TYR: variants seen among roughly 807,000 people sequenced by gnomAD.
TYR encodes tyrosinase, also known as LB24-AB.
TYR carries 58 observed loss-of-function variants against 51.5 expected under a neutral mutation model. That is an observed-to-expected ratio of 1.13 (90% confidence interval 0.91 to 1.40). The LOEUF (loss-of-function observed/expected upper bound fraction) is 1.40. TYR is among the 40% of genes most tolerant of loss of function. The pLI, the probability that TYR is intolerant of heterozygous loss-of-function variation, is 0.00. For missense variants in TYR, 732 were observed against 647.4 expected (o/e 1.13, Z -1.42); for synonymous variants, 263 against 235.2 (o/e 1.12, Z -1.08).
At chr11:89,180,153 A>C (rs1345469035) in intron 1 of TYR, among the ~76,000 whole-genome samples, 1 of 152,190 alleles carries the variant, frequency 6.6e-6, no homozygotes, top group African/African-American at 2.4e-5. Flanking sequence ...GGCTAGAAAA[A>C]ATGTGCTTGG....
rs997403592 is a variant in TYR at position 89,232,364 on chromosome 11, C to G, written c.1184+4394C>G. Among the ~76,000 whole-genome samples, 2 of 143,468 alleles carry G rather than the reference C, an allele frequency of 1.4e-5. 1 individual carries two copies. 94.1% of individuals were successfully genotyped at this position (143,468 alleles called of 152,430 possible). A position where few individuals can be genotyped will look rare whatever the true frequency, so the allele number is the denominator to read the frequency against. On this transcript the variant is annotated intron_variant, in intron 3 of 4. Transcript: ENST00000263321. ...TGTGGTACATTTACACCATGGAATACTATAAGAAAGAACAAAATGATGTCC... is the reference window on the plus strand; with the variant it reads ...TGTGGTACATTTACACCATGGAATAGTATAAGAAAGAACAAAATGATGTCC...
At chr11:89,206,760 A>C (rs1470488647) in intron 2 of TYR, among the ~76,000 whole-genome samples, 1 of 152,168 alleles carries the variant, frequency 6.6e-6, no homozygotes, top group African/African-American at 2.4e-5. Context: ...AAATTTAAAA[A>C]GATTGGAATT....
intron 2 of TYR, among the ~76,000 whole-genome samples, chr11:89,209,721 C>T (rs1943726061): frequency 6.6e-6 from 1 of 152,100 alleles, no homozygotes; most frequent in South Asian, 2.1e-4. Flanking sequence ...CCGACAGCTG[C>T]CTCATACAGG....
Position 89,277,607 on chromosome 11 carries a change from C to T in TYR, c.1185-7166C>T, listed in dbSNP as rs188286682. On this transcript the variant is annotated intron_variant, in intron 3 of 4. Coordinates refer to ENST00000263321, the MANE Select transcript of TYR (RefSeq NM_000372.5). ...ACTGAAATGTCTCAAAAACATCTTA[C>T]AGCACATCTCATCTAGAATCATGAC... Among the ~76,000 whole-genome samples, 6 of 151,804 alleles carry T rather than the reference C, an allele frequency of 4.0e-5. No homozygotes were observed. The East Asian group carries it at 7.8e-4, about 20-fold the overall frequency.
intron 1 of TYR, among the ~76,000 whole-genome samples, chr11:89,188,144 GAAGGT>G (rs1178258023): frequency 2.6e-5 from 4 of 151,278 alleles, no homozygotes; most frequent in East Asian, 2.0e-4. Flanking sequence ...TACTCCACTA[GAAGGT>G]AAGTTACATA....
rs745447269 is a variant in TYR at position 89,178,021 on chromosome 11, C to T, written c.68C>T (p.Ala23Val). ...FQTSAGHFPR[A>V]CVSSKNLMEK... ...ACCTCCGCTGGCCATTTCCCTAGAG[C>T]CTGTGTCTCCTCTAAGAACCTGATG... The change falls in exon 1 of 5, where the codon GCC becomes GTC. Residue 23 changes from alanine (A) to valine (V), a missense_variant. Physicochemically the swap from Ala to Val is moderately conservative, Grantham distance 64. Coordinates refer to ENST00000263321, the MANE Select transcript of TYR (RefSeq NM_000372.5). 2.5e-6 allele frequency: 4 copies of T among 1,614,182 alleles called. No homozygotes were observed. The highest frequency in any genetic ancestry group is 2.2e-5 in the South Asian group (2 of 91,090).
chr11:89,197,920 C>T (rs929337334), intron 2 of TYR, among the ~76,000 whole-genome samples: 55 of 152,222 alleles, frequency 3.6e-4, no homozygotes, highest in Admixed American at 1.1e-3. Context: ...AGAACCTTAA[C>T]TTTTTTTCTG....
chr11:89,295,239 T>A lies in TYR; in HGVS notation c.1463T>A (p.Leu488His). 6.2e-7 allele frequency: 1 copy of A among 1,614,006 alleles called. No individual in the cohort carries two copies. The highest frequency in any genetic ancestry group is 8.5e-7 in the Non-Finnish European group (1 of 1,179,874). ...LLGAAMVGAV[L>H]TALLAGLVSL... ...GGGGCGGCGATGGTAGGGGCCGTCC[T>A]CACTGCCCTGCTGGCAGGGCTTGTG... The change falls in exon 5 of 5, where the codon CTC becomes CAC. Residue 488 changes from leucine (L) to histidine (H), a missense_variant. Transcript: ENST00000263321.
Position 89,178,702 on chromosome 11 carries a change from A to T in TYR, c.749A>T (p.Glu250Val). The T allele has an allele frequency of 6.2e-7, 1 of 1,614,094 alleles. No individual in the cohort carries two copies. Among genetic ancestry groups the T allele is most frequent in the Non-Finnish European group, 8.5e-7 (1 of 1,179,988 alleles). The change falls in exon 1 of 5, where the codon GAG (glutamate) becomes GTG (valine). Residue 250 changes from glutamate to valine, a missense_variant. Physicochemically the swap from Glu to Val is moderately radical, Grantham distance 121. Coordinates refer to ENST00000263321, the MANE Select transcript of TYR (RefSeq NM_000372.5). ...GAAAAGTGTGACATTTGCACAGATGAGTACATGGGAGGTCAGCACCCCACA... is the reference window on the plus strand; with the variant it reads ...GAAAAGTGTGACATTTGCACAGATGTGTACATGGGAGGTCAGCACCCCACA... ...DAEKCDICTD[E>V]YMGGQHPTNP... is the part of the protein sequence containing the mutation.
chr11:89,255,628 CA>C (rs922362557), intron 3 of TYR, among the ~76,000 whole-genome samples: 33 of 151,720 alleles, frequency 2.2e-4, no homozygotes, highest in African/African-American at 7.0e-4. Context: ...CTTGAATGAA[CA>C]TTAGTAGTTT....
At chr11:89,179,877 C>T (rs754578932) in intron 1 of TYR, among the ~76,000 whole-genome samples, 1 of 152,138 alleles carries the variant, frequency 6.6e-6, no homozygotes, top group East Asian at 1.9e-4. Flanking sequence ...TGCTTTTCTG[C>T]CTGTCTTCCA....
At chr11:89,192,710 T>C (rs1565392624) in intron 2 of TYR, among the ~76,000 whole-genome samples, 1 of 152,170 alleles carries the variant, frequency 6.6e-6, no homozygotes, top group Non-Finnish European at 1.5e-5. Context: ...TATTCTTCTA[T>C]GGTAATATTC....
At chr11:89,183,088 AT>A (rs965384586) in intron 1 of TYR, among the ~76,000 whole-genome samples, 2 of 152,106 alleles carry the variant, frequency 1.3e-5, no homozygotes, top group Non-Finnish European at 1.5e-5. Flanking sequence ...TACGGTTTAC[AT>A]TTTTTCCCCC....
chr11:89,221,924 C>A (rs1461095946), intron 2 of TYR, among the ~76,000 whole-genome samples: 1 of 152,172 alleles, frequency 6.6e-6, no homozygotes, highest in Non-Finnish European at 1.5e-5. Flanking sequence ...GATTAAAGTG[C>A]AACATCTGTA....
chr11:89,178,683 T>C lies in TYR; in HGVS notation c.730T>C (p.Cys244Arg). ...PYWDWRDAEK[C>R]DICTDEYMGG... ...TTGGGACTGGCGGGATGCAGAAAAG[T>C]GTGACATTTGCACAGATGAGTACAT... Residue 244 changes from cysteine to arginine, a missense_variant, in exon 1 of 5, where the codon TGT becomes CGT. Physicochemically the swap from Cys to Arg is radical, Grantham distance 180. Coordinates refer to ENST00000263321, the MANE Select transcript of TYR (RefSeq NM_000372.5). 2 of 1,613,748 alleles carry C rather than the reference T, an allele frequency of 1.2e-6. No individual in the cohort carries two copies. The highest frequency in any genetic ancestry group is 1.7e-6 in the Non-Finnish European group (2 of 1,179,750).
At chr11:89,210,034 A>C (rs1451731688) in intron 2 of TYR, among the ~76,000 whole-genome samples, 2 of 152,210 alleles carry the variant, frequency 1.3e-5, no homozygotes, top group Non-Finnish European at 2.9e-5. Context: ...AAAGACTGAA[A>C]ATTCCAAAAA....
chr11:89,285,000 C>G (rs897384983), intron 4 of TYR, 46 bp downstream of exon 4: 1 of 1,537,820 alleles, frequency 6.5e-7, no homozygotes, highest in African/African-American at 1.4e-5. Context: ...CTAGTGTTAC[C>G]AATTTATTTT....
At chr11:89,229,562 A>AAC (rs199861739) in intron 3 of TYR, among the ~76,000 whole-genome samples, 4,455 of 143,490 alleles carry the variant, frequency 0.031, 88 homozygotes, top group African/African-American at 0.071. Context: ...AATTAGGCAA[A>AAC]AAAAAAGAAA....
chr11:89,293,402 T>G (rs1369962115), intron 4 of TYR, among the ~76,000 whole-genome samples: 1 of 150,854 alleles, frequency 6.6e-6, no homozygotes, highest in African/African-American at 2.4e-5. Context: ...TAAACGCAAG[T>G]TCTGATTGAG....
Sources: allele counts gnomAD v4.1 joint callset (sites outside exome capture counted in the v4.1 genomes callset), GRCh38; gene constraint gnomAD v4.1.1; transcripts MANE v1.5; gene names NCBI Gene and HGNC (gene_info 2026-07-23, HGNC 2026-07-21).